SLC13A1: variants seen among roughly 807,000 people sequenced by gnomAD.
SLC13A1 encodes solute carrier family 13 member 1.
In SLC13A1, 65 loss-of-function variants were observed where a neutral mutation model predicts 70.0. The ratio of observed to expected loss-of-function variants is 0.93; its 90% CI spans 0.76 to 1.14. The LOEUF (loss-of-function observed/expected upper bound fraction) is 1.14. Among genes scored for constraint, SLC13A1 ranks in the 50% most tolerant of loss-of-function variants. SLC13A1 has a pLI of 0.00. For synonymous variants in SLC13A1, 275 were observed against 250.5 expected, an observed-to-expected ratio of 1.10 and a Z score of -0.92; for missense variants, 726 against 717.8, an observed-to-expected ratio of 1.01 and a Z score of -0.13.
intron 6 of SLC13A1, among the ~76,000 whole-genome samples, chr7:123,152,188 C>G (rs1239075170): frequency 6.6e-6 from 1 of 152,074 alleles, no homozygotes; most frequent in Admixed American, 6.6e-5. Context: ...AATGCAAGCA[C>G]AACCATAAAA....
At chr7:123,197,485 C>A (rs1045848743) in intron 1 of SLC13A1, among the ~76,000 whole-genome samples, 1 of 152,042 alleles carries the variant, frequency 6.6e-6, no homozygotes, top group African/African-American at 2.4e-5. Context: ...ATTTTATACC[C>A]TCCAAAGGCC....
chr7:123,165,663 A>G (rs1307138505), intron 6 of SLC13A1, among the ~76,000 whole-genome samples: 1 of 151,940 alleles, frequency 6.6e-6, no homozygotes, highest in African/African-American at 2.4e-5. Flanking sequence ...TCAACTCTAA[A>G]CTCCTTTGCA....
At chr7:123,176,803 A>G (rs1795460352) in intron 2 of SLC13A1, among the ~76,000 whole-genome samples, 3 of 152,138 alleles carry the variant, frequency 2.0e-5, no homozygotes, top group East Asian at 1.9e-4. Context: ...TCCTACCTCA[A>G]TAACCTTTTC....
intron 6 of SLC13A1, among the ~76,000 whole-genome samples, chr7:123,156,142 C>T (rs954056645): frequency 2.0e-5 from 3 of 152,026 alleles, no homozygotes; most frequent in African/African-American, 7.2e-5. Flanking sequence ...TTTTCATTAC[C>T]GATTTAGGAT....
rs1015106285 is a variant in SLC13A1 at position 123,113,754 on chromosome 7, A to G, written c.*1764T>C. On this transcript the variant is annotated 3_prime_UTR_variant, in exon 15 of 15. Coordinates refer to ENST00000194130, the MANE Select transcript of SLC13A1 (RefSeq NM_022444.4). ...ATATTATAATTTAAGCTTTACATGGACAAATTTTTCTTTGAAAAAATGATT... is the reference window on the plus strand; with the variant it reads ...ATATTATAATTTAAGCTTTACATGGGCAAATTTTTCTTTGAAAAAATGATT... The G allele has an allele frequency of 1.3e-5, 2 of 152,206 alleles. No individual in the cohort carries two copies. Among genetic ancestry groups the G allele is most frequent in the African/African-American group, 4.8e-5 (2 of 41,446 alleles). The allele number at this position is 152,206 out of a possible 1,614,324, so 9.4% of individuals were successfully genotyped here. A position where few individuals can be genotyped will look rare whatever the true frequency, so the allele number is the denominator to read the frequency against.
Position 123,134,456 on chromosome 7 carries a change from G to A in SLC13A1, c.886C>T (p.Leu296=), listed in dbSNP as rs765294796. The A allele has an allele frequency of 6.2e-7, 1 of 1,613,270 alleles. No homozygotes were observed. Among genetic ancestry groups the A allele is most frequent in the South Asian group, 1.1e-5 (1 of 91,050 alleles). The part of the protein sequence containing the change: ...TFSFPAALII[L]LLSWIWLQWL... ...TGAAGCCAGATCCAGGATAAGAGTAGAATGATAAGGGCAGCTGGGAAGGAA... is the reference window on the plus strand; with the variant it reads ...TGAAGCCAGATCCAGGATAAGAGTAAAATGATAAGGGCAGCTGGGAAGGAA... The change falls in exon 8 of 15, where the codon CTA becomes TTA. Residue 296 remains leucine (L), a synonymous_variant. Transcript: ENST00000194130.
Position 123,114,083 on chromosome 7 carries a change from C to CAAAAAAAAAAAA in SLC13A1, c.*1423_*1434dup, listed in dbSNP as rs66482410. On this transcript the variant is annotated 3_prime_UTR_variant, in exon 15 of 15. Transcript: ENST00000194130. ...TGGGCGACAGAGCGAGACTCCGTCT[C>CAAAAAAAAAAAA]AAAAAAAAAAAAAAAAAAAAAAAAG... The CAAAAAAAAAAAA allele has an allele frequency of 1.7e-5, 1 of 60,196 alleles. No homozygotes were observed. Among genetic ancestry groups the CAAAAAAAAAAAA allele is most frequent in the African/African-American group, 7.7e-5 (1 of 12,978 alleles). The allele number at this position is 60,196 out of a possible 1,614,324, so 3.7% of individuals were successfully genotyped here. A position where few individuals can be genotyped will look rare whatever the true frequency, so the allele number is the denominator to read the frequency against.
Position 123,147,325 on chromosome 7 carries a change from C to T in SLC13A1, c.661-15G>A. 6.2e-7 allele frequency: 1 copy of T among 1,610,804 alleles called. No individual in the cohort carries two copies. ...ATGCCTGAGTTCTGTTCAACAACAA[C>T]AAAAAACTACCATGAGAACTGCTCT... is the stretch of plus-strand genomic sequence containing the variant. On this transcript the variant is annotated splice_polypyrimidine_tract_variant and intron_variant, in intron 6 of 14. Coordinates refer to ENST00000194130, the MANE Select transcript of SLC13A1 (RefSeq NM_022444.4).
chr7:123,194,275 C>T (rs1563359544), intron 1 of SLC13A1, among the ~76,000 whole-genome samples: 1 of 151,964 alleles, frequency 6.6e-6, no homozygotes, highest in Admixed American at 6.6e-5. Context: ...GAGGAGATGG[C>T]ATTCTAGGAG....
At chr7:123,143,175 C>A (rs1159929293) in intron 7 of SLC13A1, among the ~76,000 whole-genome samples, 2 of 152,118 alleles carry the variant, frequency 1.3e-5, no homozygotes, top group Non-Finnish European at 2.9e-5. Flanking sequence ...GAGCTGCAAT[C>A]TGTGCAACCT....
At chr7:123,179,827 C>T (rs1261801087) in intron 2 of SLC13A1, among the ~76,000 whole-genome samples, 8 of 152,152 alleles carry the variant, frequency 5.3e-5, no homozygotes, top group Non-Finnish European at 1.2e-4. Flanking sequence ...ACACACCTGT[C>T]TCTGGACACA....
At chr7:123,165,320 T>G (rs374599417) in intron 6 of SLC13A1, among the ~76,000 whole-genome samples, 24 of 152,194 alleles carry the variant, frequency 1.6e-4, no homozygotes, top group Admixed American at 7.2e-4. Context: ...GGAAAGACCA[T>G]AGAATCAACA....
chr7:123,199,669 T>A (rs1333689053), intron 1 of SLC13A1, among the ~76,000 whole-genome samples, 179 bp downstream of exon 1: 1 of 152,060 alleles, frequency 6.6e-6, no homozygotes, highest in Non-Finnish European at 1.5e-5. Context: ...AATCAACCAA[T>A]GTTAATTATT....
At chr7:123,129,958 T>C (rs1282162940) in intron 8 of SLC13A1, among the ~76,000 whole-genome samples, 1 of 152,176 alleles carries the variant, frequency 6.6e-6, no homozygotes, top group East Asian at 1.9e-4. Flanking sequence ...TCATAGATGT[T>C]TCCTTTGGCC....
chr7:123,127,707 C>T (rs919298417), intron 10 of SLC13A1, among the ~76,000 whole-genome samples: 12 of 151,918 alleles, frequency 7.9e-5, no homozygotes, highest in African/African-American at 2.2e-4. Flanking sequence ...ACTCAGACTT[C>T]GCACCCTTCA....
At chr7:123,140,168 T>A (rs560966601) in intron 7 of SLC13A1, among the ~76,000 whole-genome samples, 1 of 152,230 alleles carries the variant, frequency 6.6e-6, no homozygotes, top group South Asian at 2.1e-4. Flanking sequence ...AAATGCTTTT[T>A]CAGCATAAAT....
At chr7:123,122,942 G>A (rs751876658) in intron 12 of SLC13A1, among the ~76,000 whole-genome samples, 184 bp downstream of exon 12, 2 of 152,034 alleles carry the variant, frequency 1.3e-5, no homozygotes, top group African/African-American at 2.4e-5. Context: ...TATGCTTGCA[G>A]CCTGTAATAT....
At chr7:123,152,414 T>G (rs539794174) in intron 6 of SLC13A1, among the ~76,000 whole-genome samples, 1 of 152,250 alleles carries the variant, frequency 6.6e-6, no homozygotes, top group South Asian at 2.1e-4. Flanking sequence ...TTTCTAATTT[T>G]TTAAGGAATC....
chr7:123,125,499 C>T (rs1028419881), intron 11 of SLC13A1, 70 bp downstream of exon 11: 26 of 1,161,270 alleles, frequency 2.2e-5, no homozygotes, highest in Non-Finnish European at 3.0e-5. Flanking sequence ...AGGTGCCAAG[C>T]GAAACCAATG....
Sources: allele counts gnomAD v4.1 joint callset (sites outside exome capture counted in the v4.1 genomes callset), GRCh38; gene constraint gnomAD v4.1.1; transcripts MANE v1.5; gene names NCBI Gene and HGNC (gene_info 2026-07-23, HGNC 2026-07-21).